WWOX: variants seen among roughly 807,000 people sequenced by gnomAD.
WWOX encodes WW domain containing oxidoreductase, also known as WW domain-containing oxidoreductase.
WWOX carries 69 observed loss-of-function variants against 46.2 expected under a neutral mutation model. The ratio of observed to expected loss-of-function variants is 1.49; its 90% CI spans 1.23 to 1.82. The LOEUF (loss-of-function observed/expected upper bound fraction) is 1.82, where lower values mean the gene tolerates loss of function less well. Ranked by LOEUF, WWOX falls within the 40% of genes most tolerant of loss-of-function variation. WWOX has a pLI of 0.00. For missense variants in WWOX, 919 were observed against 542.6 expected (o/e 1.69, Z -6.89); for synonymous variants, 359 against 202.6 (o/e 1.77, Z -6.56).
At chr16:78,389,977 C>T (rs955923200) in intron 6 of WWOX, among the ~76,000 whole-genome samples, 4 of 152,132 alleles carry the variant, frequency 2.6e-5, no homozygotes, top group African/African-American at 9.7e-5. Flanking sequence ...CAACTCCTGA[C>T]CTCAAGTGAT....
intron 8 of WWOX, among the ~76,000 whole-genome samples, chr16:78,919,142 C>G (rs1055688459): frequency 6.6e-6 from 1 of 152,096 alleles, no homozygotes; most frequent in African/African-American, 2.4e-5. Context: ...GAACAATGAC[C>G]GCAATAACCA....
intron 8 of WWOX, among the ~76,000 whole-genome samples, chr16:78,907,757 G>A (rs547230256): frequency 1.4e-4 from 22 of 152,314 alleles, no homozygotes; most frequent in African/African-American, 4.6e-4. Context: ...GGGTTTCTCT[G>A]AGGAGATCCC....
intron 8 of WWOX, among the ~76,000 whole-genome samples, chr16:78,618,411 G>T (rs777309434): frequency 6.0e-4 from 91 of 152,292 alleles, no homozygotes; most frequent in Middle Eastern, 3.4e-3. Flanking sequence ...CATTGTCCCT[G>T]GCTTGGAGAT....
intron 8 of WWOX, among the ~76,000 whole-genome samples, chr16:78,771,688 C>T (rs2050067990): frequency 3.9e-5 from 6 of 152,126 alleles, no homozygotes; most frequent in Admixed American, 3.9e-4. Context: ...AGGAGAATTG[C>T]TTGAGCCTAG....
At chr16:78,490,785 G>A (rs1000039282) in intron 8 of WWOX, among the ~76,000 whole-genome samples, 1 of 152,188 alleles carries the variant, frequency 6.6e-6, no homozygotes, top group Non-Finnish European at 1.5e-5. Context: ...CCCAGCAAAC[G>A]TGGCTTCTCT....
intron 8 of WWOX, among the ~76,000 whole-genome samples, chr16:78,537,589 C>T (rs940165593): frequency 6.6e-6 from 1 of 152,038 alleles, no homozygotes; most frequent in Non-Finnish European, 1.5e-5. Context: ...CCACTGGGAA[C>T]CAATTCATCT....
At chr16:79,023,998 A>T (rs1282284747) in intron 8 of WWOX, among the ~76,000 whole-genome samples, 2 of 152,052 alleles carry the variant, frequency 1.3e-5, no homozygotes, top group Non-Finnish European at 2.9e-5. Flanking sequence ...AAGAAACCAG[A>T]TGCAAAAGAT....
rs117540561 is a variant in WWOX, at chr16:78,633,550, C to T, written c.1056+200798C>T. Among the ~76,000 whole-genome samples the T allele has an allele frequency of 1.3e-3, 201 of 152,326 alleles. 1 individual carries two copies. In the Middle Eastern group the frequency reaches 0.017, roughly 13 times the overall value. On this transcript the variant is annotated intron_variant, in intron 8 of 8. Transcript: ENST00000566780. ...ATGGCAACGCTGGTTTCCAACCTTT[C>T]ACTGTGCGGGTTTCTGATGAGTACG...
chr16:79,153,010 A>G (rs1410031772), intron 8 of WWOX, among the ~76,000 whole-genome samples: 2 of 152,172 alleles, frequency 1.3e-5, no homozygotes, highest in African/African-American at 2.4e-5. Context: ...AAGAGAATGC[A>G]GGCAGCTCAA....
chr16:78,360,357 G>C (rs997131539), intron 5 of WWOX, among the ~76,000 whole-genome samples: 11 of 152,014 alleles, frequency 7.2e-5, no homozygotes, highest in Admixed American at 7.2e-4. Context: ...AGGCCGAAGC[G>C]GGCTGATCCC....
chr16:78,505,152 A>G (rs2085162715), intron 8 of WWOX, among the ~76,000 whole-genome samples: 2 of 152,160 alleles, frequency 1.3e-5, no homozygotes, highest in Admixed American at 6.5e-5. Flanking sequence ...CTTCAAATCT[A>G]AAGATCTTTT....
intron 8 of WWOX, among the ~76,000 whole-genome samples, chr16:78,790,180 G>A (rs537183906): frequency 1.3e-3 from 202 of 151,568 alleles, no homozygotes; most frequent in African/African-American, 4.1e-3. Context: ...TCTGTTGCCC[G>A]GGCTGGAGTG....
intron 8 of WWOX, among the ~76,000 whole-genome samples, chr16:79,094,873 C>T (rs1007304066): frequency 6.6e-6 from 1 of 152,136 alleles, no homozygotes; most frequent in Non-Finnish European, 1.5e-5. Flanking sequence ...GTGTCTACCC[C>T]AGAGTGTCAT....
chr16:78,887,080 G>GTGTT (rs2044476398), intron 8 of WWOX, among the ~76,000 whole-genome samples: 1 of 122,520 alleles, frequency 8.2e-6, no homozygotes, highest in African/African-American at 3.8e-5. Flanking sequence ...TGTGTGTGGT[G>GTGTT]TGTGTGTGTG....
chr16:79,013,977 T>A (rs2047363663), intron 8 of WWOX, among the ~76,000 whole-genome samples: 1 of 152,170 alleles, frequency 6.6e-6, no homozygotes, highest in African/African-American at 2.4e-5. Context: ...CCTGTAAGGA[T>A]TTTTTGCTCT....
intron 8 of WWOX, among the ~76,000 whole-genome samples, chr16:78,991,310 C>A (rs1268928097): frequency 6.6e-6 from 1 of 152,064 alleles, no homozygotes; most frequent in East Asian, 1.9e-4. Flanking sequence ...AATCCAGGTC[C>A]CAGCCAGGCA....
At chr16:78,267,756 C>CTGATTGATTGAT (rs10618216) in intron 5 of WWOX, among the ~76,000 whole-genome samples, 1 of 151,770 alleles carries the variant, frequency 6.6e-6, no homozygotes, top group Non-Finnish European at 1.5e-5. Context: ...TCTGTTCCAC[C>CTGATTGATTGAT]TGATTGATTG....
In WWOX at chr16:78,735,868, G is replaced by A. The variant is rs530860211; in HGVS notation, c.1056+303116G>A. Among the ~76,000 whole-genome samples, 307 of 152,286 alleles carry A rather than the reference G, an allele frequency of 2.0e-3. 3 individuals carry two copies. The highest frequency in any genetic ancestry group is 5.6e-4 in the Non-Finnish European group (38 of 68,034). On this transcript the variant is annotated intron_variant, in intron 8 of 8. Coordinates refer to ENST00000566780, the MANE Select transcript of WWOX (RefSeq NM_016373.4). Reference sequence around the variant, plus strand: ...TTTCTGCTCTCTGCAACAGGGCCAGGGATCTGAGTCCCTTCTTGTCTATCC... The same window carrying A: ...TTTCTGCTCTCTGCAACAGGGCCAGAGATCTGAGTCCCTTCTTGTCTATCC...
At chr16:78,387,258 T>C (rs554491116) in intron 6 of WWOX, among the ~76,000 whole-genome samples, 7 of 152,304 alleles carry the variant, frequency 4.6e-5, no homozygotes, top group African/African-American at 1.7e-4. Flanking sequence ...AGATTTTTTG[T>C]AGTGCATTTC....
Sources: gnomAD v4.1 joint callset for allele counts (sites outside exome capture counted in the v4.1 genomes callset) on GRCh38, gnomAD v4.1.1 for gene constraint, MANE v1.5 for transcripts, NCBI Gene and HGNC (gene_info 2026-07-23, HGNC 2026-07-21) for gene names.